Variants in VPS13D observed in about 807,000 individuals in gnomAD.
VPS13D encodes the protein vacuolar protein sorting 13 homolog D.
In VPS13D, 187 loss-of-function variants were observed where a neutral mutation model predicts 461.9. The observed-to-expected ratio is 0.40, with a 90% confidence interval of 0.36 to 0.46. The LOEUF (loss-of-function observed/expected upper bound fraction) is 0.46. Among genes scored for constraint, VPS13D ranks in the 20% least tolerant of loss-of-function variants. VPS13D has a pLI of 0.60. For synonymous variants in VPS13D, 1,951 were observed against 1,986.3 expected (o/e 0.98, Z 0.47); for missense variants, 4,711 against 5,364.9 (o/e 0.88, Z 3.81).
intron 67 of VPS13D, among the ~76,000 whole-genome samples, chr1:12,485,002 G>A (rs1645778921): frequency 6.6e-6 from 1 of 152,134 alleles, no homozygotes; most frequent in African/African-American, 2.4e-5. Context: ...CTTTGTGTAT[G>A]TAAAATGCTT....
chr1:12,257,366 G>A (rs751799479), intron 9 of VPS13D, among the ~76,000 whole-genome samples: 6 of 152,120 alleles, frequency 3.9e-5, no homozygotes, highest in Admixed American at 6.5e-5. Flanking sequence ...GCTCTGGTGG[G>A]ATCTGGTGTG....
chr1:12,309,229 T>G (rs1292847938), intron 27 of VPS13D, among the ~76,000 whole-genome samples: 13 of 149,300 alleles, frequency 8.7e-5, no homozygotes, highest in Admixed American at 3.3e-4. Flanking sequence ...TTTTTTTTTT[T>G]GAGATGGAGT....
chr1:12,368,102 T>G (rs1644064230), intron 52 of VPS13D, among the ~76,000 whole-genome samples: 1 of 152,172 alleles, frequency 6.6e-6, no homozygotes, highest in Non-Finnish European at 1.5e-5. Context: ...TCTAATTTCC[T>G]CTACATTTAT....
chr1:12,267,355 C>T (rs1042839581), intron 14 of VPS13D, among the ~76,000 whole-genome samples: 3 of 152,224 alleles, frequency 2.0e-5, no homozygotes, highest in Non-Finnish European at 2.9e-5. Flanking sequence ...CATGAAATCT[C>T]GTCTCGCCAG....
chr1:12,380,081 A>G (rs1644253350), intron 57 of VPS13D, among the ~76,000 whole-genome samples: 1 of 152,106 alleles, frequency 6.6e-6, no homozygotes, highest in Non-Finnish European at 1.5e-5. Context: ...GCATTTGTGT[A>G]TGTTTACATG....
At chr1:12,340,679 T>G (rs1643548764) in intron 40 of VPS13D, among the ~76,000 whole-genome samples, 1 of 152,244 alleles carries the variant, frequency 6.6e-6, no homozygotes, top group South Asian at 2.1e-4. Context: ...AGATGTCATT[T>G]TCTCCCAGCT....
intron 46 of VPS13D, among the ~76,000 whole-genome samples, chr1:12,351,044 G>A (rs1377577461): frequency 1.3e-5 from 2 of 152,186 alleles, no homozygotes; most frequent in African/African-American, 4.8e-5. Context: ...TCAACTGTTA[G>A]AAAAGCCTTT....
At position 12,253,780 on chromosome 1, in the gene VPS13D, A is replaced by T. The variant is rs1640818554; in HGVS notation, c.623A>T (p.Asp208Val). 5 of 1,614,144 alleles carry T rather than the reference A, an allele frequency of 3.1e-6. No individual in the cohort carries two copies. The highest frequency in any genetic ancestry group is 4.2e-6 in the Non-Finnish European group (5 of 1,180,000). Residue 208 changes from aspartate (D) to valine (V), a missense_variant, in exon 7 of 70, where the codon GAT becomes GTT. Physicochemically the swap from Asp to Val is radical, Grantham distance 152 (BLOSUM62 -3). Transcript: ENST00000620676. ...LDVAEFSIYW[D>V]VDCTLLGDLP... ...GTAGCAGAATTTAGCATCTATTGGG[A>T]TGTCGATTGCACTTTACTGGGGGAT...
At chr1:12,442,993 G>A (rs1211410451) in intron 65 of VPS13D, among the ~76,000 whole-genome samples, 8 of 152,126 alleles carry the variant, frequency 5.3e-5, no homozygotes, top group South Asian at 2.1e-4. Flanking sequence ...AGAATATTGC[G>A]TAGTATATGT....
chr1:12,491,763 A>G (rs1040002108), intron 67 of VPS13D, among the ~76,000 whole-genome samples: 1 of 152,312 alleles, frequency 6.6e-6, no homozygotes, highest in South Asian at 2.1e-4. Context: ...TGACATTTTC[A>G]TAGAGTTCAA....
chr1:12,469,038 GAA>G (rs59166714), intron 67 of VPS13D, among the ~76,000 whole-genome samples: 1 of 119,786 alleles, frequency 8.3e-6, no homozygotes, highest in Non-Finnish European at 1.8e-5. Context: ...CTGTCTCAAA[GAA>G]AAAAAAAAAA....
chr1:12,365,381 A>G (rs1326316434), intron 52 of VPS13D, among the ~76,000 whole-genome samples: 4 of 152,188 alleles, frequency 2.6e-5, no homozygotes, highest in Non-Finnish European at 5.9e-5. Flanking sequence ...CAGTCCCTGA[A>G]CATGGGAAGT....
chr1:12,260,871 C>T (rs1641085177), intron 11 of VPS13D, 77 bp downstream of exon 11: 2 of 1,610,922 alleles, frequency 1.2e-6, no homozygotes, highest in South Asian at 1.1e-5. Context: ...GCTTGTGCTC[C>T]TGTGGGGAAA....
chr1:12,247,070 T>C (rs931849452), intron 5 of VPS13D, among the ~76,000 whole-genome samples: 5 of 152,240 alleles, frequency 3.3e-5, no homozygotes, highest in African/African-American at 9.6e-5. Flanking sequence ...CCAAAGAGGC[T>C]GCACTATTTT....
chr1:12,245,129 C>T (rs773971537), intron 5 of VPS13D, among the ~76,000 whole-genome samples: 11 of 152,292 alleles, frequency 7.2e-5, no homozygotes, highest in African/African-American at 1.9e-4. Flanking sequence ...GGCAATTTGA[C>T]GAGTTACAGG....
At chr1:12,255,740 A>G (rs1640899382) in intron 7 of VPS13D, among the ~76,000 whole-genome samples, 1 of 151,886 alleles carries the variant, frequency 6.6e-6, no homozygotes, top group South Asian at 2.1e-4. Flanking sequence ...AAAATAAAAA[A>G]ATTAGCTGGG....
intron 55 of VPS13D, among the ~76,000 whole-genome samples, chr1:12,375,833 A>G (rs1644190500): frequency 6.6e-6 from 1 of 151,946 alleles, no homozygotes; most frequent in Admixed American, 6.6e-5. Flanking sequence ...TAACAATTCC[A>G]CACTGGGCCA....
chr1:12,303,923 A>T (rs1035054346), intron 25 of VPS13D, among the ~76,000 whole-genome samples: 2 of 152,232 alleles, frequency 1.3e-5, no homozygotes, highest in Non-Finnish European at 2.9e-5. Flanking sequence ...AGAATTACTG[A>T]ATCATTTTAT....
chr1:12,340,769 TC>T (rs1643551236), intron 40 of VPS13D, among the ~76,000 whole-genome samples: 1 of 152,218 alleles, frequency 6.6e-6, no homozygotes, highest in African/African-American at 2.4e-5. Context: ...GAGCCACACC[TC>T]CCTTTTTTTT....
Sources: gnomAD v4.1 joint callset for allele counts (sites outside exome capture counted in the v4.1 genomes callset) on GRCh38, gnomAD v4.1.1 for gene constraint, MANE v1.5 for transcripts, NCBI Gene and HGNC (gene_info 2026-07-23, HGNC 2026-07-21) for gene names.